The following CHRM3 variants were observed in gnomAD, a reference collection of about 807,000 sequenced individuals.
The protein encoded by CHRM3 is muscarinic acetylcholine receptor M3.
Under a neutral mutation model 41.8 loss-of-function variants are expected in CHRM3, and 11 were observed. The ratio of observed to expected loss-of-function variants is 0.26; its 90% CI spans 0.17 to 0.44. CHRM3 has a LOEUF of 0.44. Ranked by LOEUF, CHRM3 falls within the 20% of genes least tolerant of loss-of-function variation. The probability of loss-of-function intolerance (pLI) is 1.00; values close to 1 mark genes in which losing one functional copy is unlikely to be tolerated. For missense variants in CHRM3, 571 were observed against 745.4 expected (o/e 0.77, Z 2.72); for synonymous variants, 297 against 301.4 (o/e 0.99, Z 0.15).
chr1:239,532,386 A>C (rs557464606), intron 2 of CHRM3, among the ~76,000 whole-genome samples: 21 of 148,920 alleles, frequency 1.4e-4, no homozygotes, highest in African/African-American at 4.6e-4. Context: ...CCAGCACTTC[A>C]GGAGGCCGAG....
intron 3 of CHRM3, chr1:239,629,174 TC>T: frequency 6.9e-6 from 1 of 144,130 alleles, no homozygotes; most frequent in East Asian, 2.1e-4. Context: ...CGTAGGACCC[TC>T]CGAGCCAGGT....
At chr1:239,422,098 G>T (rs1292181241) in intron 1 of CHRM3, among the ~76,000 whole-genome samples, 2 of 152,074 alleles carry the variant, frequency 1.3e-5, no homozygotes, top group Admixed American at 6.5e-5. Flanking sequence ...ACCTATTATG[G>T]CAAGAAAAAG....
intron 6 of CHRM3, among the ~76,000 whole-genome samples, chr1:239,875,349 C>T (rs184910331): frequency 4.2e-4 from 64 of 152,214 alleles, no homozygotes; most frequent in Middle Eastern, 6.8e-3. Context: ...TGGGACTATT[C>T]GACTCTGTTG....
intron 4 of CHRM3, among the ~76,000 whole-genome samples, chr1:239,637,370 G>C (rs1044285766): frequency 6.6e-6 from 1 of 151,800 alleles, no homozygotes; most frequent in African/African-American, 2.4e-5. Flanking sequence ...TTTTAATATT[G>C]ATGAAGATCA....
intron 5 of CHRM3, among the ~76,000 whole-genome samples, chr1:239,722,808 C>T (rs182934362): frequency 2.0e-4 from 30 of 151,732 alleles, no homozygotes; most frequent in African/African-American, 7.3e-4. Context: ...ATGATTGTAC[C>T]TTATTGAATC....
At chr1:239,555,988 C>A (rs2148466589) in intron 3 of CHRM3, among the ~76,000 whole-genome samples, 1 of 152,252 alleles carries the variant, frequency 6.6e-6, no homozygotes, top group South Asian at 2.1e-4. Flanking sequence ...TTTTAGTGAT[C>A]TTTGGAGGCA....
chr1:239,449,600 C>CACTGGTAGAAAGTAAAACTGGT (rs1431322120), intron 1 of CHRM3, among the ~76,000 whole-genome samples: 1 of 152,074 alleles, frequency 6.6e-6, no homozygotes, highest in Non-Finnish European at 1.5e-5. Context: ...GTGAAATTTG[C>CACTGGTAGAAAGTAAAACTGGT]AGATGGTTCC....
chr1:239,418,018 G>A (rs955844084), intron 1 of CHRM3, among the ~76,000 whole-genome samples: 1 of 152,136 alleles, frequency 6.6e-6, no homozygotes, highest in Non-Finnish European at 1.5e-5. Flanking sequence ...GTAGTGCCGG[G>A]TCTTTTAACT....
At chr1:239,547,395 A>G (rs543285893) in intron 3 of CHRM3, among the ~76,000 whole-genome samples, 1 of 152,300 alleles carries the variant, frequency 6.6e-6, no homozygotes, top group African/African-American at 2.4e-5. Context: ...ATGAGTTAAT[A>G]TGGACGAGTG....
At chr1:239,613,757 ACTCT>A (rs2148766537) in intron 3 of CHRM3, among the ~76,000 whole-genome samples, 1 of 151,992 alleles carries the variant, frequency 6.6e-6, no homozygotes. Flanking sequence ...ATTCTGACTT[ACTCT>A]CTTTTTCACC....
Position 239,913,047 on chromosome 1 carries a change from T to G in CHRM3, c.*3823T>G, listed in dbSNP as rs527922269. 1 of 167,078 alleles carries G rather than the reference T, an allele frequency of 6.0e-6. No individual in the cohort carries two copies. Among genetic ancestry groups the G allele is most frequent in the Non-Finnish European group, 1.5e-5 (1 of 68,116 alleles). 10.3% of individuals were successfully genotyped at this position (167,078 alleles called of 1,614,324 possible). A position where few individuals can be genotyped will look rare whatever the true frequency, so the allele number is the denominator to read the frequency against. ...TCAAAACTGAGGTCAGCAGCTACCATGACGAAAGTAAAATGGTATATTGGG... is the reference window on the plus strand; with the variant it reads ...TCAAAACTGAGGTCAGCAGCTACCAGGACGAAAGTAAAATGGTATATTGGG... On this transcript the variant is annotated 3_prime_UTR_variant, in exon 7 of 7. Transcript: ENST00000676153.
intron 3 of CHRM3, among the ~76,000 whole-genome samples, chr1:239,619,485 C>T (rs1668113510): frequency 6.6e-6 from 1 of 152,146 alleles, no homozygotes; most frequent in Non-Finnish European, 1.5e-5. Context: ...TACCTGCAGA[C>T]TTTTAAACTG....
At chr1:239,593,147 C>G (rs1260087885) in intron 3 of CHRM3, among the ~76,000 whole-genome samples, 1 of 152,068 alleles carries the variant, frequency 6.6e-6, no homozygotes, top group Non-Finnish European at 1.5e-5. Flanking sequence ...TACTTTACCC[C>G]TCTGTTTATG....
At chr1:239,514,476 T>G (rs1210529732) in intron 2 of CHRM3, among the ~76,000 whole-genome samples, 2 of 152,204 alleles carry the variant, frequency 1.3e-5, no homozygotes, top group Non-Finnish European at 2.9e-5. Flanking sequence ...TATATTAATC[T>G]TATATCCTGA....
At chr1:239,515,336 A>G (rs1289989200) in intron 2 of CHRM3, among the ~76,000 whole-genome samples, 1 of 151,918 alleles carries the variant, frequency 6.6e-6, no homozygotes, top group Non-Finnish European at 1.5e-5. Context: ...ATATTAGTCA[A>G]CCAGAAAATA....
At chr1:239,424,156 G>A (rs1662183701) in intron 1 of CHRM3, among the ~76,000 whole-genome samples, 1 of 151,810 alleles carries the variant, frequency 6.6e-6, no homozygotes, top group Non-Finnish European at 1.5e-5. Flanking sequence ...TGCGCAATGT[G>A]CTTCCATAGA....
intron 5 of CHRM3, among the ~76,000 whole-genome samples, chr1:239,726,557 G>A (rs1663456200): frequency 6.6e-6 from 1 of 151,896 alleles, no homozygotes; most frequent in African/African-American, 2.4e-5. Context: ...GTTGTATCAG[G>A]TTTTGTGGAG....
At chr1:239,418,638 A>G (rs556883169) in intron 1 of CHRM3, among the ~76,000 whole-genome samples, 17 of 152,348 alleles carry the variant, frequency 1.1e-4, no homozygotes, top group African/African-American at 4.1e-4. Flanking sequence ...AATTATTAAC[A>G]ACACAACACA....
intron 1 of CHRM3, among the ~76,000 whole-genome samples, chr1:239,466,830 A>G (rs1665765848): frequency 6.6e-6 from 1 of 152,108 alleles, no homozygotes; most frequent in Non-Finnish European, 1.5e-5. Context: ...AAAATCCTAT[A>G]ATACTTATGG....
Sources: gnomAD v4.1 joint callset for allele counts (sites outside exome capture counted in the v4.1 genomes callset) on GRCh38, gnomAD v4.1.1 for gene constraint, MANE v1.5 for transcripts, NCBI Gene and HGNC (gene_info 2026-07-23, HGNC 2026-07-21) for gene names.